The following ADGRA3 variants were observed in gnomAD, a reference collection of about 807,000 sequenced individuals.
The protein encoded by ADGRA3 is adhesion G protein-coupled receptor A3.
In ADGRA3, 56 loss-of-function variants were observed where a neutral mutation model predicts 119.8. That is an observed-to-expected ratio of 0.47 (90% CI 0.38 to 0.58). The LOEUF is 0.58. Among genes scored for constraint, ADGRA3 ranks in the 20% least tolerant of loss-of-function variants. The pLI is 0.00. For missense variants in ADGRA3, 1,516 were observed against 1,649.0 expected (o/e 0.92, Z 1.40); for synonymous variants, 607 against 623.8 (o/e 0.97, Z 0.40).
At chr4:22,428,479 G>A (rs1716030573) in intron 10 of ADGRA3, among the ~76,000 whole-genome samples, 2 of 152,134 alleles carry the variant, frequency 1.3e-5, no homozygotes, top group Non-Finnish European at 2.9e-5. Context: ...TCATCGAGTA[G>A]CAAAAGAATA....
chr4:22,389,232 C>T, intron 17 of ADGRA3, 49 bp from the exon 18 acceptor site: 1 of 1,200,254 alleles, frequency 8.3e-7, no homozygotes, highest in Non-Finnish European at 1.2e-6. Flanking sequence ...CATTTCTTAA[C>T]ATGTATCTCT....
In ADGRA3 at chr4:22,438,378, A is replaced by G. The variant is rs1184514247; in HGVS notation, c.963T>C (p.Asn321=). 2.5e-6 allele frequency: 4 copies of G among 1,613,858 alleles called. No individual in the cohort carries two copies. The highest frequency in any genetic ancestry group is 3.3e-5 in the Admixed American group (2 of 60,010). ...ISNIQAGSTG[N]WGCHVQTKRG... ...GTTTGGTCTGGACATGACAGCCCCA[A>G]TTTCCAGTAGATCCAGCCTGAATAT... is the stretch of plus-strand genomic sequence containing the variant. The change falls in exon 8 of 19, where the codon AAT becomes AAC. Residue 321 remains asparagine (N), a synonymous_variant. Transcript: ENST00000334304.
At position 22,515,509 on chromosome 4, in the gene ADGRA3, C is replaced by A. The variant is rs946954552; in HGVS notation, c.257+19G>T. 1.9e-6 allele frequency: 3 copies of A among 1,599,882 alleles called. No homozygotes were observed. The highest frequency in any genetic ancestry group is 2.2e-5 in the South Asian group (2 of 90,120). On this transcript the variant is annotated intron_variant, in intron 1 of 18. Transcript: ENST00000334304. ...AAGAGCCGAGCGGGAGAGGACCCAG[C>A]GTCGCGGGAGATACTCACAGGGTGA...
chr4:22,454,404 C>T (rs1438001931), intron 4 of ADGRA3, among the ~76,000 whole-genome samples: 1 of 152,162 alleles, frequency 6.6e-6, no homozygotes, highest in Non-Finnish European at 1.5e-5. Flanking sequence ...TGTTTATTTT[C>T]CTCCAAGGCC....
intron 1 of ADGRA3, among the ~76,000 whole-genome samples, chr4:22,484,557 A>AC: frequency 6.6e-6 from 1 of 151,252 alleles, no homozygotes; most frequent in Admixed American, 6.6e-5. Flanking sequence ...GTGAGCTGAG[A>AC]TCACGCCACT....
intron 2 of ADGRA3, among the ~76,000 whole-genome samples, chr4:22,462,114 A>G (rs969721064): frequency 8.5e-5 from 13 of 152,194 alleles, no homozygotes; most frequent in African/African-American, 1.2e-4. Flanking sequence ...CATATACATT[A>G]TTTCTATAAT....
intron 1 of ADGRA3, among the ~76,000 whole-genome samples, chr4:22,509,285 G>A (rs9992412): frequency 0.61 from 92,221 of 151,454 alleles, 28,136 homozygotes; most frequent in African/African-American, 0.63. Flanking sequence ...GGCAGATCAC[G>A]AGGTCAGCAG....
intron 17 of ADGRA3, among the ~76,000 whole-genome samples, chr4:22,390,974 G>C (rs1463402040): frequency 6.6e-6 from 1 of 152,134 alleles, no homozygotes; most frequent in African/African-American, 2.4e-5. Context: ...GGGCCACGGA[G>C]CACCCCTGCT....
chr4:22,483,879 G>C (rs1718332035), intron 1 of ADGRA3, among the ~76,000 whole-genome samples: 1 of 152,160 alleles, frequency 6.6e-6, no homozygotes, highest in Non-Finnish European at 1.5e-5. Flanking sequence ...AGGCTGGAGG[G>C]ATTCATTCAT....
chr4:22,498,640 G>A (rs1404201579), intron 1 of ADGRA3, among the ~76,000 whole-genome samples: 1 of 151,970 alleles, frequency 6.6e-6, no homozygotes, highest in African/African-American at 2.4e-5. Context: ...GGAGGGCCAG[G>A]CGCGGTGGCT....
In ADGRA3 at chr4:22,515,837, G is replaced by A. The variant is rs1577396354; in HGVS notation, c.-53C>T. ...CGGCGGCGCACTGGCCTAGCGGGCC[G>A]CCCCGGAGCCCGGGCGGGCAGGAGC... On this transcript the variant is annotated 5_prime_UTR_variant, in exon 1 of 19. Transcript: ENST00000334304. 1 of 980,776 alleles carries A rather than the reference G, an allele frequency of 1.0e-6. No homozygotes were observed. The allele number at this position is 980,776 out of a possible 1,614,324, so 60.8% of individuals were successfully genotyped here.
intron 12 of ADGRA3, among the ~76,000 whole-genome samples, chr4:22,419,741 T>C (rs1715572273): frequency 6.6e-6 from 1 of 152,094 alleles, no homozygotes; most frequent in Non-Finnish European, 1.5e-5. Context: ...TAGTCTTTTA[T>C]AGTATGTTTG....
At position 22,392,654 on chromosome 4, in the gene ADGRA3, C is replaced by G. The variant is rs1246728107; in HGVS notation, c.2518G>C (p.Val840Leu). 8 of 1,613,554 alleles carry G rather than the reference C, an allele frequency of 5.0e-6. No homozygotes were observed. The highest frequency in any genetic ancestry group is 5.9e-6 in the Non-Finnish European group (7 of 1,179,822). ...IILHYSTLATVLWVGVTARNI... is the reference protein window; with the variant it reads ...IILHYSTLATLLWVGVTARNI... ...CGAGCTGTCACTCCTACCCATAGTA[C>G]TGTGGCAAGGGTGGAATAGTGAAGA... Residue 840 changes from valine to leucine, a missense_variant, in exon 17 of 19, where the codon GTA becomes CTA. By Grantham distance (32) the Val-to-Leu change is conservative (BLOSUM62 1). Coordinates refer to ENST00000334304, the MANE Select transcript of ADGRA3 (RefSeq NM_145290.4).
At chr4:22,394,094 C>A (rs1302584669) in intron 16 of ADGRA3, 1 of 151,802 alleles carries the variant, frequency 6.6e-6, no homozygotes, top group East Asian at 1.9e-4. Context: ...CAGTAACTTG[C>A]TTTTTTTTAA....
At chr4:22,509,973 G>C (rs1029494780) in intron 1 of ADGRA3, among the ~76,000 whole-genome samples, 2 of 136,028 alleles carry the variant, frequency 1.5e-5, no homozygotes, top group African/African-American at 5.7e-5. Flanking sequence ...TCGCGCCACT[G>C]CACTCCAGCC....
At position 22,388,770 on chromosome 4, in the gene ADGRA3, A is replaced by G. The variant is rs141318113; in HGVS notation, c.2901T>C (p.Asn967=). The G allele has an allele frequency of 4.8e-4, 777 of 1,614,048 alleles. 2 individuals carry two copies. Among genetic ancestry groups the G allele is most frequent in the Middle Eastern group, 3.3e-4 (2 of 6,062 alleles). The change falls in exon 19 of 19, where the codon AAT becomes AAC. Residue 967 remains asparagine, a synonymous_variant. Transcript: ENST00000334304. ...TTGAATCCTGATGATTTATTTCGCC[A>G]TTTTCATTGGCTGCCAATCTCTGTT... is the stretch of plus-strand genomic sequence containing the variant. ...EEQQRLAANE[N]GEINHQDSMS...
At chr4:22,425,663 G>A (rs1315750180) in intron 10 of ADGRA3, among the ~76,000 whole-genome samples, 2 of 152,194 alleles carry the variant, frequency 1.3e-5, no homozygotes, top group African/African-American at 2.4e-5. Context: ...AGAAAGCCGG[G>A]TCTGTCTTAA....
intron 14 of ADGRA3, among the ~76,000 whole-genome samples, chr4:22,409,322 A>G (rs943196488): frequency 6.6e-5 from 10 of 152,232 alleles, no homozygotes; most frequent in African/African-American, 2.4e-4. Flanking sequence ...CTAGAAACAA[A>G]CACAATAGAG....
At chr4:22,443,493 A>G (rs910464221) in intron 6 of ADGRA3, among the ~76,000 whole-genome samples, 3 of 152,202 alleles carry the variant, frequency 2.0e-5, no homozygotes, top group Admixed American at 6.5e-5. Flanking sequence ...TACTTTTAGT[A>G]GTACTGTATC....
Sources: gnomAD v4.1 joint callset for allele counts (sites outside exome capture counted in the v4.1 genomes callset) on GRCh38, gnomAD v4.1.1 for gene constraint, MANE v1.5 for transcripts, NCBI Gene and HGNC (gene_info 2026-07-23, HGNC 2026-07-21) for gene names.